The following CRBN variants were observed in gnomAD, a reference collection of about 807,000 sequenced individuals.
CRBN encodes the protein protein cereblon.
A neutral mutation model predicts 62.2 loss-of-function variants in CRBN; 53 were observed. The observed-to-expected ratio is 0.85, with a 90% CI of 0.68 to 1.07. The LOEUF is 1.07. Ranked by LOEUF, CRBN falls within the 50% of genes least tolerant of loss-of-function variation. CRBN has a pLI of 0.00. For synonymous variants in CRBN, 208 were observed against 176.1 expected (o/e 1.18, Z -1.43); for missense variants, 616 against 531.1 (o/e 1.16, Z -1.57).
chr3:3,177,932 T>C (rs1707892112), intron 1 of CRBN, among the ~76,000 whole-genome samples: 1 of 151,700 alleles, frequency 6.6e-6, no homozygotes, highest in Non-Finnish European at 1.5e-5. Context: ...TTACGTAATT[T>C]GGAGAGGCAT....
At chr3:3,176,239 T>C (rs1259095370) in intron 1 of CRBN, among the ~76,000 whole-genome samples, 1 of 152,152 alleles carries the variant, frequency 6.6e-6, no homozygotes, top group African/African-American at 2.4e-5. Context: ...AATTTTAGTT[T>C]CCTCATCTGC....
At chr3:3,160,803 G>A (rs992420879) in intron 5 of CRBN, among the ~76,000 whole-genome samples, 1 of 152,066 alleles carries the variant, frequency 6.6e-6, no homozygotes, top group African/African-American at 2.4e-5. Flanking sequence ...TATGATGATG[G>A]CACACAAGCA....
chr3:3,167,501 T>A (rs1707395869), intron 5 of CRBN, 133 bp downstream of exon 5: 1 of 861,070 alleles, frequency 1.2e-6, no homozygotes, highest in South Asian at 1.6e-5. Context: ...TTTTAGAGGA[T>A]CAAATGTAGC....
intron 1 of CRBN, 42 bp from the exon 2 acceptor site, chr3:3,175,311 G>C: frequency 7.3e-7 from 1 of 1,365,390 alleles, no homozygotes; most frequent in African/African-American, 1.4e-5. Flanking sequence ...AAAGATGAAT[G>C]AAAACCTTTC....
At chr3:3,152,381 G>T in intron 10 of CRBN, 75 bp downstream of exon 10, 2 of 1,459,422 alleles carry the variant, frequency 1.4e-6, no homozygotes, top group Non-Finnish European at 1.9e-6. Context: ...TGGCAACTCT[G>T]CTTAGGACTC....
intron 5 of CRBN, chr3:3,156,624 A>G (rs1360172934): frequency 1.4e-5 from 4 of 276,920 alleles, no homozygotes; most frequent in Non-Finnish European, 2.7e-5. Context: ...TTACTTGTCC[A>G]GTATCTGAAG....
rs1293473118 is a variant in CRBN at position 3,156,097 on chromosome 3, CTT to C, written c.750+120_750+121del. ...GGGATTACAGGTGTGAGCCACCACT[CTT>C]AACGATATCTTAAGTTATAAGGCAC... is the stretch of plus-strand genomic sequence containing the variant. On this transcript the variant is annotated intron_variant, in intron 6 of 10. Coordinates refer to ENST00000231948, the MANE Select transcript of CRBN (RefSeq NM_016302.4). The C allele has an allele frequency of 5.8e-6, 5 of 862,180 alleles. No individual in the cohort carries two copies. In the African/African-American group the frequency reaches 6.7e-5, roughly 12 times the overall value. The allele number at this position is 862,180 out of a possible 1,614,324, so 53.4% of individuals were successfully genotyped here.
chr3:3,156,323 T>C (rs777114726), intron 5 of CRBN, 42 bp from the exon 6 acceptor site: 10 of 1,531,226 alleles, frequency 6.5e-6, no homozygotes, highest in Non-Finnish European at 9.0e-6. Context: ...CCCCACAGAA[T>C]AAAGATTCTA....
chr3:3,165,342 G>A (rs765475565), intron 5 of CRBN, among the ~76,000 whole-genome samples: 2 of 152,164 alleles, frequency 1.3e-5, no homozygotes, highest in Non-Finnish European at 2.9e-5. Flanking sequence ...TTCTGTTGTG[G>A]CTTAAATGCT....
chr3:3,175,320 T>A, intron 1 of CRBN, 51 bp from the exon 2 acceptor site: 1 of 1,295,070 alleles, frequency 7.7e-7, no homozygotes. Flanking sequence ...TGAAAACCTT[T>A]CAAACATGTA....
intron 5 of CRBN, among the ~76,000 whole-genome samples, chr3:3,158,459 C>T (rs943858887): frequency 1.3e-5 from 2 of 152,178 alleles, no homozygotes; most frequent in Admixed American, 6.5e-5. Flanking sequence ...AGGAGTCAGA[C>T]CATGAGACCC....
intron 8 of CRBN, 102 bp from the exon 9 acceptor site, chr3:3,153,590 C>G (rs1706734634): frequency 2.6e-6 from 2 of 766,074 alleles, no homozygotes; most frequent in Non-Finnish European, 4.8e-6. Context: ...AGATATTGCT[C>G]TCTCTGAATA....
At position 3,152,305 on chromosome 3, in the gene CRBN, C is replaced by T. The variant is rs1706620635; in HGVS notation, c.1148+151G>A. The T allele has an allele frequency of 3.7e-6, 3 of 804,640 alleles. No individual in the cohort carries two copies. In the Admixed American group the frequency reaches 7.7e-5, roughly 21 times the overall value. 49.8% of individuals were successfully genotyped at this position (804,640 alleles called of 1,614,324 possible). On this transcript the variant is annotated intron_variant, in intron 10 of 10. Coordinates refer to ENST00000231948, the MANE Select transcript of CRBN (RefSeq NM_016302.4). ...GCAGCTGGGAGTACAGACCCCTGCC[C>T]CCATACCCGGCTAATTTTTGTAGCA...
intron 2 of CRBN, 60 bp from the exon 3 acceptor site, chr3:3,174,321 C>T: frequency 7.6e-7 from 1 of 1,312,702 alleles, no homozygotes; most frequent in Non-Finnish European, 1.1e-6. Flanking sequence ...AATGTAAGCT[C>T]AACAGACTAA....
chr3:3,152,642 T>G (rs1706657489), intron 9 of CRBN, 55 bp from the exon 10 acceptor site: 1 of 1,603,908 alleles, frequency 6.2e-7, no homozygotes, highest in Admixed American at 1.7e-5. Context: ...CTAATTTTAT[T>G]AAATGCTTAG....
chr3:3,176,633 G>A, intron 1 of CRBN, among the ~76,000 whole-genome samples: 1 of 152,200 alleles, frequency 6.6e-6, no homozygotes, highest in East Asian at 1.9e-4. Flanking sequence ...CTACTGGGGA[G>A]GCTGAGGCAG....
chr3:3,176,668 G>A (rs1337220067), intron 1 of CRBN, among the ~76,000 whole-genome samples: 1 of 152,200 alleles, frequency 6.6e-6, no homozygotes, highest in African/African-American at 2.4e-5. Flanking sequence ...CCCAGGAGGT[G>A]GAGGTTGCAG....
rs1244188414 is a variant in CRBN, at chr3:3,156,481, TA to T, written c.688-201del. The T allele has an allele frequency of 5.1e-6, 3 of 583,990 alleles. No individual in the cohort carries two copies. The African/African-American group carries it at 5.6e-5, about 11-fold the overall frequency. The allele number at this position is 583,990 out of a possible 1,614,324, so 36.2% of individuals were successfully genotyped here. The stretch of plus-strand genomic sequence containing the variant: ...TCCTATATCCTTCAAATATATATTG[TA>T]ACTAGAATCTTCATTCCTATTTAAA... On this transcript the variant is annotated intron_variant, in intron 5 of 10. Coordinates refer to ENST00000231948, the MANE Select transcript of CRBN (RefSeq NM_016302.4).
chr3:3,172,048 G>A (rs929028608), intron 4 of CRBN: 1 of 152,166 alleles, frequency 6.6e-6, no homozygotes, highest in African/African-American at 2.4e-5. Context: ...AAAATAAACT[G>A]GACTTTTTTG....
Sources: gnomAD v4.1 joint callset for allele counts (sites outside exome capture counted in the v4.1 genomes callset) on GRCh38, gnomAD v4.1.1 for gene constraint, MANE v1.5 for transcripts, NCBI Gene and HGNC (gene_info 2026-07-23, HGNC 2026-07-21) for gene names.